SPINK13: variants seen among roughly 807,000 people sequenced by gnomAD.
The protein encoded by SPINK13 is serine protease inhibitor Kazal-type 13.
SPINK13 carries 11 observed loss-of-function variants against 11.0 expected under a neutral mutation model. The observed-to-expected ratio is 1.00, with a 90% confidence interval of 0.63 to 1.65. SPINK13 has a LOEUF of 1.65. Among genes scored for constraint, SPINK13 ranks in the 40% most tolerant of loss-of-function variants. The pLI is 0.00. For synonymous variants in SPINK13, 31 were observed against 35.6 expected (o/e 0.87, Z 0.46); for missense variants, 113 against 117.7 (o/e 0.96, Z 0.19).
At chr5:148,277,626 C>A (rs994682023) in intron 3 of SPINK13, among the ~76,000 whole-genome samples, 3 of 152,120 alleles carry the variant, frequency 2.0e-5, no homozygotes, top group African/African-American at 7.2e-5. Context: ...AGGATGAAGC[C>A]GACTTGATCA....
chr5:148,283,804 T>A (rs758542508), intron 4 of SPINK13, among the ~76,000 whole-genome samples: 17 of 152,220 alleles, frequency 1.1e-4, no homozygotes, highest in Non-Finnish European at 1.8e-4. Context: ...TCTGTTATAC[T>A]CTGTGGTGTT....
At chr5:148,280,764 G>C (rs1312977159) in intron 3 of SPINK13, among the ~76,000 whole-genome samples, 1 of 152,224 alleles carries the variant, frequency 6.6e-6, no homozygotes, top group Non-Finnish European at 1.5e-5. Flanking sequence ...CGGGGGTCAG[G>C]GACCCACTTG....
intron 4 of SPINK13, among the ~76,000 whole-genome samples, chr5:148,283,775 A>T (rs557448596): frequency 9.2e-5 from 14 of 152,278 alleles, no homozygotes; most frequent in Non-Finnish European, 1.8e-4. Flanking sequence ...ATGTCTTTGT[A>T]GCTCTTCCAT....
intron 3 of SPINK13, 95 bp from the exon 4 acceptor site, chr5:148,282,009 T>C: frequency 6.7e-7 from 1 of 1,494,490 alleles, no homozygotes; most frequent in Non-Finnish European, 9.0e-7. Flanking sequence ...ACTGGTATGA[T>C]TTAATATTAT....
At chr5:148,275,962 G>A (rs1198103777) in intron 3 of SPINK13, among the ~76,000 whole-genome samples, 1 of 152,014 alleles carries the variant, frequency 6.6e-6, no homozygotes, top group Non-Finnish European at 1.5e-5. Flanking sequence ...CGCCCGACCT[G>A]TTTCCTGCCT....
rs186002779 is a variant in SPINK13 at position 148,276,653 on chromosome 5, C to T, written c.108+2269C>T. 6.3e-4 allele frequency among the ~76,000 whole-genome samples: 95 copies of T among 151,344 alleles called. 3 individuals carry two copies. The East Asian group carries it at 0.017, about 27-fold the overall frequency. ...GAGGCCTCTGTTCTGTTCCATTGGT[C>T]TATACAGCTGTTTTGGTTACTGTTG... On this transcript the variant is annotated intron_variant, in intron 3 of 4. Coordinates refer to ENST00000398450, the MANE Select transcript of SPINK13 (RefSeq NM_001040129.3).
In SPINK13 at chr5:148,270,147, G is replaced by A; in HGVS notation, c.70+5G>A. 1 of 1,613,434 alleles carries A rather than the reference G, an allele frequency of 6.2e-7. No individual in the cohort carries two copies. Among genetic ancestry groups the A allele is most frequent in the Non-Finnish European group, 8.5e-7 (1 of 1,179,404 alleles). ...TGACACATGTGGCTTTCTCAGGTGA[G>A]TAACCTAAGAGGTTTTGGGAGATAA... On this transcript the variant is annotated splice_donor_5th_base_variant and intron_variant, in intron 2 of 4. Coordinates refer to ENST00000398450, the MANE Select transcript of SPINK13 (RefSeq NM_001040129.3).
At chr5:148,269,836 A>G (rs1032870703) in intron 1 of SPINK13, among the ~76,000 whole-genome samples, 3 of 131,602 alleles carry the variant, frequency 2.3e-5, no homozygotes, top group East Asian at 1.9e-4. Context: ...TTTTTGGCAG[A>G]AAAAAAAAAG....
chr5:148,269,849 A>T (rs546048424), intron 1 of SPINK13, among the ~76,000 whole-genome samples, 191 bp from the exon 2 acceptor site: 37 of 152,128 alleles, frequency 2.4e-4, no homozygotes, highest in Non-Finnish European at 5.0e-4. Flanking sequence ...AAAAAAAGTC[A>T]TTTTTTTATG....
chr5:148,268,895 A>G lies in SPINK13; in HGVS notation c.-34+7A>G, dbSNP rs549903597. The G allele has an allele frequency of 6.6e-6, 1 of 152,194 alleles. No homozygotes were observed. The highest frequency in any genetic ancestry group is 1.5e-5 in the Non-Finnish European group (1 of 68,048). 9.4% of individuals were successfully genotyped at this position (152,194 alleles called of 1,614,324 possible). ...ATTCAGCCACCTCATCCAGGTAACC[A>G]CTCTTTGACTTCTCTCTCCTTAGTC... On this transcript the variant is annotated splice_region_variant and intron_variant, in intron 1 of 4. Coordinates refer to ENST00000398450, the MANE Select transcript of SPINK13 (RefSeq NM_001040129.3).
chr5:148,278,690 T>A lies in SPINK13; in HGVS notation c.109-3414T>A, dbSNP rs556770893. Among the ~76,000 whole-genome samples the A allele has an allele frequency of 2.0e-5, 3 of 152,304 alleles. No homozygotes were observed. In the East Asian group the frequency reaches 5.8e-4, roughly 29 times the overall value. On this transcript the variant is annotated intron_variant, in intron 3 of 4. Coordinates refer to ENST00000398450, the MANE Select transcript of SPINK13 (RefSeq NM_001040129.3). ...TTGCTGAGGAGTGTTTTACTTCCAATAATGTGTTCAATTTTAGAATAAGTG... is the reference window on the plus strand; with the variant it reads ...TTGCTGAGGAGTGTTTTACTTCCAAAAATGTGTTCAATTTTAGAATAAGTG...
chr5:148,274,385 G>A lies in SPINK13; in HGVS notation c.108+1G>A. The A allele has an allele frequency of 6.2e-7, 1 of 1,610,530 alleles. No homozygotes were observed. Among genetic ancestry groups the A allele is most frequent in the Non-Finnish European group, 8.5e-7 (1 of 1,177,240 alleles). On this transcript the variant is annotated splice_donor_variant, in intron 3 of 4. Transcript: ENST00000398450. LOFTEE classifies it high-confidence loss of function. ...ACGTGACTTCACTAGGTGGCCTAAGGTAAATTTAAATTTCTCAGTTCTAGG... is the reference window on the plus strand; with the variant it reads ...ACGTGACTTCACTAGGTGGCCTAAGATAAATTTAAATTTCTCAGTTCTAGG...
intron 2 of SPINK13, among the ~76,000 whole-genome samples, chr5:148,273,312 G>T (rs1756377969): frequency 6.6e-6 from 1 of 151,508 alleles, no homozygotes; most frequent in Non-Finnish European, 1.5e-5. Flanking sequence ...ATGCATCTGT[G>T]TTTTCTGTTA....
chr5:148,272,766 T>C (rs932133508), intron 2 of SPINK13, among the ~76,000 whole-genome samples: 1 of 152,130 alleles, frequency 6.6e-6, no homozygotes. Context: ...TACACCAAAA[T>C]GGGAGGAATG....
At position 148,274,289 on chromosome 5, in the gene SPINK13, G is replaced by A. The variant is rs1432687; in HGVS notation, c.71-58G>A. On this transcript the variant is annotated intron_variant, in intron 2 of 4. Transcript: ENST00000398450. ...TCAATCAGTGACTTCAGTAGGTGAT[G>A]TTATATCCCATGGAGAACTATTTCC... 0.056 allele frequency: 72,943 copies of A among 1,304,236 alleles called. 17,424 individuals are homozygous for A. The African/African-American group carries it at 0.66, about 12-fold the overall frequency. The allele number at this position is 1,304,236 out of a possible 1,614,324, so 80.8% of individuals were successfully genotyped here.
rs756935440 is a variant in SPINK13 at position 148,274,362 on chromosome 5, G to T, written c.86G>T (p.Arg29Leu). 8.1e-6 allele frequency: 13 copies of T among 1,611,866 alleles called. No homozygotes were observed. In the African/African-American group the frequency reaches 1.7e-4, roughly 22 times the overall value. ...TTATTAGCAGGAATTTTCAATAAAC[G>T]TGACTTCACTAGGTGGCCTAAGGTA... ...HVAFSGIFNK[R>L]DFTRWPKPRC... Residue 29 changes from arginine to leucine, a missense_variant, in exon 3 of 5, where the codon CGT becomes CTT. By Grantham distance (102) the Arg-to-Leu change is moderately radical. Coordinates refer to ENST00000398450, the MANE Select transcript of SPINK13 (RefSeq NM_001040129.3).
intron 3 of SPINK13, among the ~76,000 whole-genome samples, chr5:148,281,106 G>A (rs1217431894): frequency 6.6e-6 from 1 of 152,160 alleles, no homozygotes; most frequent in Non-Finnish European, 1.5e-5. Context: ...ACCTACTCAA[G>A]CCTCAGTAAT....
In SPINK13 at chr5:148,282,106, C is replaced by T. The variant is rs1258725000; in HGVS notation, c.111C>T (p.Pro37=). ...TTTATGGTGTCATGTATTTGCAGCC[C>T]CGATGTAAAATGTATATCCCACTGG... ...NKRDFTRWPK[P]RCKMYIPLDP... is the part of the protein sequence containing the mutation. Residue 37 remains proline (P), a splice_region_variant and synonymous_variant, in exon 4 of 5, where the codon CCC becomes CCT. Coordinates refer to ENST00000398450, the MANE Select transcript of SPINK13 (RefSeq NM_001040129.3). The T allele has an allele frequency of 6.2e-7, 1 of 1,613,710 alleles. No individual in the cohort carries two copies. Among genetic ancestry groups the T allele is most frequent in the African/African-American group, 1.3e-5 (1 of 74,872 alleles).
In SPINK13 at chr5:148,270,067, G is replaced by A; in HGVS notation, c.-6G>A. The A allele has an allele frequency of 6.2e-7, 1 of 1,613,930 alleles. No individual in the cohort carries two copies. The highest frequency in any genetic ancestry group is 1.3e-5 in the African/African-American group (1 of 75,036). On this transcript the variant is annotated 5_prime_UTR_variant, in exon 2 of 5. Transcript: ENST00000398450. Reference sequence around the variant, plus strand: ...CTTATCAAAGAAGAGTCTTATATGAGATCAAATGGCTGCCTTTCCCCACAA... The same window carrying A: ...CTTATCAAAGAAGAGTCTTATATGAAATCAAATGGCTGCCTTTCCCCACAA...
Sources: allele counts gnomAD v4.1 joint callset (sites outside exome capture counted in the v4.1 genomes callset), GRCh38; gene constraint gnomAD v4.1.1; transcripts MANE v1.5; gene names NCBI Gene and HGNC (gene_info 2026-07-23, HGNC 2026-07-21).